Variants in PACRG observed in about 807,000 individuals in gnomAD.
PACRG encodes parkin coregulated gene protein.
A neutral mutation model predicts 29.7 loss-of-function variants in PACRG; 29 were observed. The observed-to-expected ratio is 0.98, with a 90% CI of 0.73 to 1.33. The LOEUF (loss-of-function observed/expected upper bound fraction) is 1.33, where lower values mean the gene tolerates loss of function less well. Among genes scored for constraint, PACRG ranks in the 40% most tolerant of loss-of-function variants. PACRG has a pLI of 0.00. For missense variants in PACRG, 279 were observed against 316.2 expected (o/e 0.88, Z 0.89); for synonymous variants, 116 against 118.7 (o/e 0.98, Z 0.15).
intron 2 of PACRG, among the ~76,000 whole-genome samples, chr6:162,999,825 C>T (rs193207766): frequency 1.7e-4 from 26 of 152,300 alleles, no homozygotes; most frequent in African/African-American, 5.3e-4. Context: ...TCATGGCCTG[C>T]GCCTGGTATT....
At chr6:162,748,689 C>G (rs1221063590) in intron 1 of PACRG, among the ~76,000 whole-genome samples, 1 of 152,050 alleles carries the variant, frequency 6.6e-6, no homozygotes, top group Non-Finnish European at 1.5e-5. Context: ...CCTATCAATC[C>G]CTGACCGCAG....
intron 4 of PACRG, among the ~76,000 whole-genome samples, chr6:163,115,755 T>G (rs1449457963): frequency 6.6e-6 from 1 of 152,170 alleles, no homozygotes; most frequent in African/African-American, 2.4e-5. Flanking sequence ...CACTCCACCT[T>G]CCACGCTACT....
chr6:163,064,959 C>G (rs1283462389), intron 3 of PACRG, among the ~76,000 whole-genome samples: 2 of 151,810 alleles, frequency 1.3e-5, no homozygotes, highest in African/African-American at 2.4e-5. Context: ...TTGATTTCAA[C>G]AAATTAGAAG....
chr6:162,808,258 C>T (rs879767484), intron 1 of PACRG, among the ~76,000 whole-genome samples: 11 of 152,184 alleles, frequency 7.2e-5, no homozygotes, highest in Non-Finnish European at 1.6e-4. Context: ...GTCAACAGGT[C>T]TTGCCCACCC....
At chr6:163,027,672 GA>G (rs1460500202) in intron 2 of PACRG, among the ~76,000 whole-genome samples, 4 of 152,148 alleles carry the variant, frequency 2.6e-5, no homozygotes, top group Non-Finnish European at 5.9e-5. Context: ...TTTAACCCCA[GA>G]AGACATCACG....
chr6:163,275,769 G>A (rs1174878181), intron 4 of PACRG, among the ~76,000 whole-genome samples: 1 of 151,982 alleles, frequency 6.6e-6, no homozygotes, highest in East Asian at 1.9e-4. Flanking sequence ...ATAATATAAA[G>A]GATCAGATTT....
Position 162,744,054 on chromosome 6 carries a change from A to G in PACRG, c.156+15663A>G, listed in dbSNP as rs147934993. Among the ~76,000 whole-genome samples the G allele has an allele frequency of 4.9e-3, 751 of 152,140 alleles. 5 individuals are homozygous for G. Among genetic ancestry groups the G allele is most frequent in the African/African-American group, 0.017 (698 of 41,516 alleles). On this transcript the variant is annotated intron_variant, in intron 1 of 4. Coordinates refer to ENST00000366888, the MANE Select transcript of PACRG (RefSeq NM_001080379.2). ...TTACTTATGAGGAATTATTTTTCCT[A>G]TTGGTTGGGGCTTTCTGATTATGGT...
chr6:162,831,149 G>T (rs959635353), intron 2 of PACRG, among the ~76,000 whole-genome samples: 1 of 152,164 alleles, frequency 6.6e-6, no homozygotes, highest in Non-Finnish European at 1.5e-5. Context: ...AGGCAGGCAG[G>T]TAGGGTTTAG....
chr6:162,884,793 C>G (rs1794192261), intron 2 of PACRG, among the ~76,000 whole-genome samples: 1 of 152,072 alleles, frequency 6.6e-6, no homozygotes, highest in Non-Finnish European at 1.5e-5. Context: ...TTTCCCAGCT[C>G]CCCAATGATA....
chr6:163,309,746 G>A lies in PACRG; in HGVS notation c.614-5081G>A, dbSNP rs551842558. The stretch of plus-strand genomic sequence containing the variant: ...GCATCTCAGGCAGGAGAGCGTGTTG[G>A]GGCCGGGACTCTCCTCCCGTGGACC... On this transcript the variant is annotated intron_variant, in intron 4 of 4. Transcript: ENST00000366888. 4.7e-4 allele frequency among the ~76,000 whole-genome samples: 72 copies of A among 152,274 alleles called. No individual in the cohort carries two copies. In the Middle Eastern group the frequency reaches 0.017, roughly 36 times the overall value.
chr6:163,154,860 C>T (rs988146252), intron 4 of PACRG, among the ~76,000 whole-genome samples: 1 of 152,110 alleles, frequency 6.6e-6, no homozygotes, highest in Non-Finnish European at 1.5e-5. Flanking sequence ...CTGCATGTGA[C>T]ATGCTGAAAC....
At chr6:162,746,824 T>C (rs1239187941) in intron 1 of PACRG, among the ~76,000 whole-genome samples, 4 of 152,152 alleles carry the variant, frequency 2.6e-5, no homozygotes, top group Non-Finnish European at 5.9e-5. Flanking sequence ...ATTCATAACT[T>C]ACAGGAAAAA....
intron 4 of PACRG, among the ~76,000 whole-genome samples, chr6:163,143,569 CAG>C (rs146981234): frequency 0.06 from 9,169 of 152,254 alleles, 351 homozygotes; most frequent in East Asian, 0.11. Flanking sequence ...GACCACTTCT[CAG>C]AATGTCTGCC....
intron 2 of PACRG, among the ~76,000 whole-genome samples, chr6:162,979,415 A>T (rs1293477410): frequency 1.3e-5 from 2 of 152,020 alleles, no homozygotes; most frequent in Non-Finnish European, 2.9e-5. Context: ...TATATTCTGG[A>T]TATTAACTCC....
chr6:162,779,636 G>A (rs1048029986), intron 1 of PACRG, among the ~76,000 whole-genome samples: 39 of 152,160 alleles, frequency 2.6e-4, no homozygotes, highest in African/African-American at 8.7e-4. Flanking sequence ...GGAGCTTGGA[G>A]GCCAGGGAAA....
intron 2 of PACRG, among the ~76,000 whole-genome samples, chr6:162,998,673 C>A (rs1045073980): frequency 4.6e-5 from 7 of 152,146 alleles, no homozygotes; most frequent in African/African-American, 1.7e-4. Flanking sequence ...ATTTCATAGT[C>A]AAATCTGACC....
chr6:163,204,397 T>C (rs1029176298), intron 4 of PACRG, among the ~76,000 whole-genome samples: 6 of 152,184 alleles, frequency 3.9e-5, no homozygotes, highest in African/African-American at 7.2e-5. Context: ...AATTCTAACC[T>C]TTTCCCCTTG....
chr6:162,987,400 T>C (rs1802996783), intron 2 of PACRG, among the ~76,000 whole-genome samples: 1 of 152,166 alleles, frequency 6.6e-6, no homozygotes, highest in Non-Finnish European at 1.5e-5. Context: ...TTTGGCTATG[T>C]CCCCACCCAA....
intron 4 of PACRG, among the ~76,000 whole-genome samples, chr6:163,109,802 A>G (rs1815606764): frequency 6.6e-6 from 1 of 152,244 alleles, no homozygotes; most frequent in Non-Finnish European, 1.5e-5. Flanking sequence ...AAGAATTTAC[A>G]TGATGACTCT....
Sources: allele counts gnomAD v4.1 joint callset (sites outside exome capture counted in the v4.1 genomes callset), GRCh38; gene constraint gnomAD v4.1.1; transcripts MANE v1.5; gene names NCBI Gene and HGNC (gene_info 2026-07-23, HGNC 2026-07-21).